Variants in NRP2 observed in about 807,000 individuals in gnomAD.
NRP2 encodes neuropilin 2.
Under a neutral mutation model 110.4 loss-of-function variants are expected in NRP2, and 52 were observed. The ratio of observed to expected loss-of-function variants is 0.47; its 90% CI spans 0.38 to 0.59. NRP2 has a LOEUF of 0.59. Ranked by LOEUF, NRP2 falls within the 20% of genes least tolerant of loss-of-function variation. NRP2 has a pLI of 0.00. For synonymous variants in NRP2, 508 were observed against 468.9 expected, an observed-to-expected ratio of 1.08 and a Z score of -1.08; for missense variants, 1,049 against 1,203.0, an observed-to-expected ratio of 0.87 and a Z score of 1.89.
intron 2 of NRP2, 126 bp downstream of exon 2, chr2:205,697,847 G>A: frequency 1.0e-6 from 1 of 964,962 alleles, no homozygotes; most frequent in Non-Finnish European, 1.7e-6. Flanking sequence ...GGTGGATCCT[G>A]GCCCCAGAGG....
intron 15 of NRP2, among the ~76,000 whole-genome samples, chr2:205,775,362 G>A (rs1380206813): frequency 6.6e-6 from 1 of 152,120 alleles, no homozygotes; most frequent in Non-Finnish European, 1.5e-5. Flanking sequence ...ACCGGCAGCG[G>A]CCAGTGAACG....
At chr2:205,688,449 G>C (rs1476244012) in intron 1 of NRP2, among the ~76,000 whole-genome samples, 3 of 152,150 alleles carry the variant, frequency 2.0e-5, no homozygotes, top group Non-Finnish European at 4.4e-5. Flanking sequence ...ATTTTTCAAA[G>C]CTTTATCTGC....
At chr2:205,787,143 A>G (rs1274287099) in intron 15 of NRP2, among the ~76,000 whole-genome samples, 1 of 152,158 alleles carries the variant, frequency 6.6e-6, no homozygotes, top group African/African-American at 2.4e-5. Context: ...TTTACAGAGG[A>G]GCAAACAGAG....
chr2:205,683,514 C>T, intron 1 of NRP2, 151 bp downstream of exon 1: 1 of 681,100 alleles, frequency 1.5e-6, no homozygotes, highest in East Asian at 2.7e-5. Flanking sequence ...CCTTCCTACA[C>T]CACCACGGCT....
chr2:205,752,604 C>G, intron 11 of NRP2: 1 of 547,414 alleles, frequency 1.8e-6, no homozygotes, highest in Non-Finnish European at 3.3e-6. Context: ...TTCATAATTG[C>G]TTACTATGGG....
intron 15 of NRP2, chr2:205,767,992 T>C (rs879668178): frequency 6.6e-6 from 1 of 152,316 alleles, no homozygotes; most frequent in Non-Finnish European, 1.5e-5. Context: ...GATGAATTCC[T>C]GGTTTGCCAC....
At chr2:205,726,679 C>T (rs576206987) in intron 6 of NRP2, among the ~76,000 whole-genome samples, 1 of 152,290 alleles carries the variant, frequency 6.6e-6, no homozygotes, top group African/African-American at 2.4e-5. Context: ...TCCCGCACTG[C>T]ACACTGCTCC....
chr2:205,740,633 C>T lies in NRP2; in HGVS notation c.1261C>T (p.Arg421Trp). 8 of 1,614,214 alleles carry T rather than the reference C, an allele frequency of 5.0e-6. No homozygotes were observed. The highest frequency in any genetic ancestry group is 6.8e-6 in the Non-Finnish European group (8 of 1,180,040). The change falls in exon 8 of 17, where the codon CGG (arginine) becomes TGG (tryptophan). Residue 421 changes from arginine (R) to tryptophan (W), a missense_variant. Transcript: ENST00000357785. ...PQTWHSGIAL[R>W]LELFGCRVTD... ...GACCTGGCACTCAGGTATCGCCCTCCGGCTGGAGCTCTTCGGCTGCCGGGT... is the reference window on the plus strand; with the variant it reads ...GACCTGGCACTCAGGTATCGCCCTCTGGCTGGAGCTCTTCGGCTGCCGGGT...
intron 2 of NRP2, among the ~76,000 whole-genome samples, chr2:205,708,020 C>T (rs1376908912): frequency 6.6e-6 from 1 of 152,228 alleles, no homozygotes; most frequent in Non-Finnish European, 1.5e-5. Flanking sequence ...TTTAGTAAGT[C>T]CTGGCCCTGC....
At chr2:205,720,698 C>G (rs2056993116) in intron 3 of NRP2, among the ~76,000 whole-genome samples, 1 of 152,224 alleles carries the variant, frequency 6.6e-6, no homozygotes, top group African/African-American at 2.4e-5. Context: ...CCCTGAAGAC[C>G]CGCCAGCTGG....
Position 205,743,553 on chromosome 2 carries a change from G to A in NRP2, c.1641+1G>A, listed in dbSNP as rs1327164593. The A allele has an allele frequency of 6.2e-7, 1 of 1,613,930 alleles. No homozygotes were observed. The highest frequency in any genetic ancestry group is 8.5e-7 in the Non-Finnish European group (1 of 1,179,912). On this transcript the variant is annotated splice_donor_variant, in intron 9 of 16. Transcript: ENST00000357785. LOFTEE classifies it high-confidence loss of function. ...GGACCCCAGGACCCAGCAGCCAAAG[G>A]TAGGCTGTTCTTGGAGGCCTCTGTA...
rs771784761 is a variant in NRP2, at chr2:205,697,485, T to TG, written c.74-53dup. ...TGGTACAGAAGAGAAGGAGGGAGTG[T>TG]GGGGGGAAGAAAGTTGTAACATATT... On this transcript the variant is annotated intron_variant, in intron 1 of 16. Coordinates refer to ENST00000357785, the MANE Select transcript of NRP2 (RefSeq NM_003872.3). 1.1e-5 allele frequency: 16 copies of TG among 1,459,786 alleles called. 1 individual carries two copies. The highest frequency in any genetic ancestry group is 1.4e-5 in the Non-Finnish European group (15 of 1,039,256). 90.4% of individuals were successfully genotyped at this position (1,459,786 alleles called of 1,614,324 possible). A position where few individuals can be genotyped will look rare whatever the true frequency, so the allele number is the denominator to read the frequency against.
chr2:205,699,500 G>C (rs962384469), intron 2 of NRP2, among the ~76,000 whole-genome samples: 2 of 152,218 alleles, frequency 1.3e-5, no homozygotes, highest in Non-Finnish European at 2.9e-5. Flanking sequence ...TAGTGGCAGA[G>C]GGAGAAAGCA....
rs77475505 is a variant in NRP2 at position 205,740,879 on chromosome 2, T to C, written c.1291+216T>C. On this transcript the variant is annotated intron_variant, in intron 8 of 16. Coordinates refer to ENST00000357785, the MANE Select transcript of NRP2 (RefSeq NM_003872.3). The stretch of plus-strand genomic sequence containing the variant: ...CTATTAATAGCTAACATTTATGGAA[T>C]GCTAACTAGGTACAGATGCCATTCT... Among the ~76,000 whole-genome samples, 736 of 152,362 alleles carry C rather than the reference T, an allele frequency of 4.8e-3. 8 individuals are homozygous for C. The highest frequency in any genetic ancestry group is 0.017 in the African/African-American group (698 of 41,592).
intron 1 of NRP2, among the ~76,000 whole-genome samples, chr2:205,693,822 C>T (rs747859299): frequency 4.2e-4 from 64 of 152,168 alleles, no homozygotes; most frequent in Non-Finnish European, 7.9e-4. Flanking sequence ...TCAACTAAAG[C>T]GAGGGATCTG....
chr2:205,700,621 C>T (rs950214186), intron 2 of NRP2: 7 of 478,100 alleles, frequency 1.5e-5, no homozygotes, highest in African/African-American at 9.7e-5. Context: ...TTGAACTCTA[C>T]ATCCCAAAGG....
intron 3 of NRP2, chr2:205,722,173 A>T (rs1443544812): frequency 8.6e-3 from 108 of 12,504 alleles, no homozygotes; most frequent in African/African-American, 0.018. Flanking sequence ...TCTCTCTCAT[A>T]CACACACACA....
chr2:205,731,759 G>C (rs2057245041), intron 7 of NRP2, among the ~76,000 whole-genome samples: 1 of 152,164 alleles, frequency 6.6e-6, no homozygotes, highest in Admixed American at 6.5e-5. Flanking sequence ...AGGATGGATG[G>C]GTGAAGATAG....
chr2:205,685,961 C>G (rs2056148458), intron 1 of NRP2: 1 of 152,346 alleles, frequency 6.6e-6, no homozygotes, highest in Admixed American at 6.5e-5. Context: ...TGCGCAGGAA[C>G]AGGTGAAGAG....
Sources: gnomAD v4.1 joint callset for allele counts (sites outside exome capture counted in the v4.1 genomes callset) on GRCh38, gnomAD v4.1.1 for gene constraint, MANE v1.5 for transcripts, NCBI Gene and HGNC (gene_info 2026-07-23, HGNC 2026-07-21) for gene names.